Variants in PCNX1 observed in about 807,000 individuals in gnomAD.
PCNX1 encodes the protein pecanex-like protein 1.
A neutral mutation model predicts 242.2 loss-of-function variants in PCNX1; 78 were observed. The observed-to-expected ratio is 0.32, with a 90% CI of 0.27 to 0.39. The LOEUF (loss-of-function observed/expected upper bound fraction) is 0.39. Among genes scored for constraint, PCNX1 ranks in the 10% least tolerant of loss-of-function variants. The pLI, the probability that PCNX1 is intolerant of heterozygous loss-of-function variation, is 1.00. For missense variants in PCNX1, 2,581 were observed against 2,856.5 expected, an observed-to-expected ratio of 0.90 and a Z score of 2.20; for synonymous variants, 1,024 against 1,032.9, an observed-to-expected ratio of 0.99 and a Z score of 0.17.
At chr14:71,036,339 G>T (rs2060531494) in intron 19 of PCNX1, among the ~76,000 whole-genome samples, 182 bp downstream of exon 19, 1 of 151,988 alleles carries the variant, frequency 6.6e-6, no homozygotes, top group South Asian at 2.1e-4. Flanking sequence ...CTAATTTAAA[G>T]AATTTTTTCT....
At chr14:71,059,554 T>A (rs2061271614) in intron 26 of PCNX1, among the ~76,000 whole-genome samples, 1 of 151,948 alleles carries the variant, frequency 6.6e-6, no homozygotes. Context: ...TGGCTAATTT[T>A]TTTTTAATTT....
intron 1 of PCNX1, among the ~76,000 whole-genome samples, chr14:70,942,341 C>G (rs2057286963): frequency 6.6e-6 from 1 of 152,136 alleles, no homozygotes; most frequent in Admixed American, 6.5e-5. Flanking sequence ...AAGACCTTAT[C>G]AAATTGCACT....
intron 13 of PCNX1, among the ~76,000 whole-genome samples, chr14:71,024,029 G>A (rs1248617928): frequency 1.3e-5 from 2 of 151,990 alleles, no homozygotes; most frequent in African/African-American, 4.8e-5. Flanking sequence ...TTATTTTGAC[G>A]TAATTTCAAA....
At chr14:71,055,656 A>C in intron 25 of PCNX1, 94 bp downstream of exon 25, 1 of 671,356 alleles carries the variant, frequency 1.5e-6, no homozygotes, top group Admixed American at 2.6e-5. Context: ...GGAATCCTCT[A>C]TGAATCCCAA....
chr14:71,014,529 T>TA (rs2059908530), intron 11 of PCNX1, among the ~76,000 whole-genome samples: 1 of 152,238 alleles, frequency 6.6e-6, no homozygotes, highest in Non-Finnish European at 1.5e-5. Flanking sequence ...ACATAGAAGA[T>TA]ACTTTTAAAA....
chr14:70,928,839 T>C (rs527888661), intron 1 of PCNX1, among the ~76,000 whole-genome samples: 3 of 152,222 alleles, frequency 2.0e-5, no homozygotes, highest in Non-Finnish European at 4.4e-5. Flanking sequence ...ACCTTTCTGC[T>C]TTATTTTAAT....
intron 1 of PCNX1, among the ~76,000 whole-genome samples, chr14:70,930,406 T>C (rs932924976): frequency 6.6e-6 from 1 of 152,198 alleles, no homozygotes; most frequent in Non-Finnish European, 1.5e-5. Flanking sequence ...TTGCATGTGC[T>C]ATGTTATTTT....
At chr14:71,049,306 C>T (rs887350249) in intron 22 of PCNX1, among the ~76,000 whole-genome samples, 1 of 152,058 alleles carries the variant, frequency 6.6e-6, no homozygotes, top group Admixed American at 6.5e-5. Flanking sequence ...AGAAAGCTTT[C>T]CCCTTGAGTT....
At chr14:71,005,784 C>T (rs981023103) in intron 8 of PCNX1, among the ~76,000 whole-genome samples, 1 of 152,150 alleles carries the variant, frequency 6.6e-6, no homozygotes, top group African/African-American at 2.4e-5. Context: ...TTGCTCATCA[C>T]TTATTCATTG....
intron 1 of PCNX1, among the ~76,000 whole-genome samples, chr14:70,944,255 C>T (rs977042704): frequency 6.6e-6 from 1 of 152,192 alleles, no homozygotes; most frequent in Admixed American, 6.5e-5. Flanking sequence ...AGGAGGGGAG[C>T]TGTACCCTGC....
Position 71,105,401 on chromosome 14 carries a change from G to A in PCNX1, c.6262G>A (p.Gly2088Arg). 4 of 1,613,992 alleles carry A rather than the reference G, an allele frequency of 2.5e-6. No homozygotes were observed. Among genetic ancestry groups the A allele is most frequent in the Non-Finnish European group, 3.4e-6 (4 of 1,179,942 alleles). Reference protein sequence around the residue: ...IGNPGQGSGTGLHPPVTSYPP... With the variant: ...IGNPGQGSGTRLHPPVTSYPP... ...AAATCCTGGGCAGGGATCAGGAACT[G>A]GACTCCACCCACCTGTCACATCTTA... Residue 2088 changes from glycine to arginine, a missense_variant, in exon 33 of 36, where the codon GGA becomes AGA. By Grantham distance (125) the Gly-to-Arg change is moderately radical. Around this residue, in one of 9 missense-constraint regions of PCNX1, gnomAD observed 432 missense variants for 433.6 expected, o/e 1.00. Transcript: ENST00000304743.
In PCNX1 at chr14:70,949,295, G is replaced by GCACACACGTGTA. The variant is rs1566608700; in HGVS notation, c.362+2172_362+2173insCACACACGTGTA. 1.2e-4 allele frequency among the ~76,000 whole-genome samples: 13 copies of GCACACACGTGTA among 106,532 alleles called. No individual in the cohort carries two copies. The East Asian group carries it at 1.7e-3, about 14-fold the overall frequency. The allele number at this position is 106,532 out of a possible 152,430, so 69.9% of individuals were successfully genotyped here. A position where few individuals can be genotyped will look rare whatever the true frequency, so the allele number is the denominator to read the frequency against. On this transcript the variant is annotated intron_variant, in intron 2 of 35. Transcript: ENST00000304743. ...CACACACGTGTATACACACACGTGT[G>GCACACACGTGTA]TACACACATATGTGTGTAGATACAC...
At chr14:71,016,035 A>G (rs2059955098) in intron 11 of PCNX1, among the ~76,000 whole-genome samples, 2 of 152,234 alleles carry the variant, frequency 1.3e-5, no homozygotes, top group South Asian at 4.1e-4. Context: ...CCAAAATAAA[A>G]TAAAAACAAA....
Position 71,055,568 on chromosome 14 carries a change from A to T in PCNX1, c.4636+6A>T. The T allele has an allele frequency of 6.3e-7, 1 of 1,580,144 alleles. No homozygotes were observed. The highest frequency in any genetic ancestry group is 1.3e-5 in the African/African-American group (1 of 74,436). On this transcript the variant is annotated splice_donor_region_variant and intron_variant, in intron 25 of 35. Transcript: ENST00000304743. ...CCAGCTTGATAGAAATCCAGGTAAT[A>T]GCTCTATTTGTGACTAAGGAGGCAA...
chr14:70,961,523 C>A (rs71425292), intron 2 of PCNX1, among the ~76,000 whole-genome samples: 5 of 152,324 alleles, frequency 3.3e-5, no homozygotes, highest in Non-Finnish European at 5.9e-5. Context: ...ATCCTGTTAT[C>A]TTTAAGTACT....
In PCNX1 at chr14:70,977,202, T is replaced by C; in HGVS notation, c.865T>C (p.Ser289Pro). ...GCGAGGTGTACCACGGACTTCTAGC[T>C]CTGCTGTGGCTTTTCCAGACACTTC... Reference protein sequence around the residue: ...RPRGVPRTSSSAVAFPDTSLN... With the variant: ...RPRGVPRTSSPAVAFPDTSLN... Residue 289 changes from serine (S) to proline (P), a missense_variant, in exon 6 of 36, where the codon TCT becomes CCT. Transcript: ENST00000304743. 6.2e-7 allele frequency: 1 copy of C among 1,614,228 alleles called. No homozygotes were observed. The highest frequency in any genetic ancestry group is 8.5e-7 in the Non-Finnish European group (1 of 1,180,044).
At chr14:71,038,543 T>A (rs1240160965) in intron 19 of PCNX1, among the ~76,000 whole-genome samples, 1 of 152,028 alleles carries the variant, frequency 6.6e-6, no homozygotes, top group Non-Finnish European at 1.5e-5. Context: ...TCACACCAGT[T>A]AGAATGGTGA....
At chr14:71,073,836 G>T in intron 27 of PCNX1, 38 bp downstream of exon 27, 1 of 1,482,168 alleles carries the variant, frequency 6.7e-7, no homozygotes, top group Non-Finnish European at 9.0e-7. Context: ...TAGATAATCA[G>T]AGTTTCTTCT....
chr14:71,085,057 C>T (rs2141596319), intron 28 of PCNX1, among the ~76,000 whole-genome samples: 1 of 152,346 alleles, frequency 6.6e-6, no homozygotes, highest in Admixed American at 6.5e-5. Context: ...CACTGTTCCT[C>T]ACGGCACGGT....
Sources: gnomAD v4.1 joint callset for allele counts (sites outside exome capture counted in the v4.1 genomes callset) on GRCh38, gnomAD v4.1.1 for gene constraint, gnomAD v4.1.1 regional missense constraint, MANE v1.5 for transcripts, NCBI Gene and HGNC (gene_info 2026-07-23, HGNC 2026-07-21) for gene names.